CADM1: variants seen among roughly 807,000 people sequenced by gnomAD.
The protein encoded by CADM1 is TSLC-1.
Under a neutral mutation model 53.1 loss-of-function variants are expected in CADM1, and 15 were observed. The observed-to-expected ratio is 0.28, with a 90% CI of 0.19 to 0.44. CADM1 has a LOEUF of 0.44. Ranked by LOEUF, CADM1 falls within the 20% of genes least tolerant of loss-of-function variation. The pLI is 1.00. For missense variants in CADM1, 434 were observed against 611.3 expected (o/e 0.71, Z 3.06); for synonymous variants, 281 against 243.0 (o/e 1.16, Z -1.45).
intron 1 of CADM1, among the ~76,000 whole-genome samples, chr11:115,493,018 CA>C (rs757465901): frequency 6.6e-6 from 1 of 151,806 alleles, no homozygotes; most frequent in Non-Finnish European, 1.5e-5. Flanking sequence ...GCAATGAGCA[CA>C]ATTCTTAGAT....
chr11:115,232,834 G>C (rs1260127153), intron 3 of CADM1, among the ~76,000 whole-genome samples: 1 of 152,078 alleles, frequency 6.6e-6, no homozygotes, highest in African/African-American at 2.4e-5. Context: ...AATAAGCAAA[G>C]ACAGTTCCGA....
At chr11:115,325,034 C>T (rs993249251) in intron 1 of CADM1, among the ~76,000 whole-genome samples, 7 of 152,164 alleles carry the variant, frequency 4.6e-5, no homozygotes, top group Non-Finnish European at 8.8e-5. Context: ...GTGCCTATCA[C>T]GTAAATGGAA....
rs765468758 is a variant in CADM1, at chr11:115,214,576, C to G, written c.994+32G>C. Reference sequence around the variant, plus strand: ...AAGTAGCAGCTCCATGTGACTGACTCTAGTAGAAGAGCATTTTATCTTCTC... The same window carrying G: ...AAGTAGCAGCTCCATGTGACTGACTGTAGTAGAAGAGCATTTTATCTTCTC... On this transcript the variant is annotated intron_variant, in intron 7 of 11. Transcript: ENST00000331581. 5 of 1,595,344 alleles carry G rather than the reference C, an allele frequency of 3.1e-6. No individual in the cohort carries two copies. The African/African-American group carries it at 6.7e-5, about 21-fold the overall frequency.
chr11:115,455,700 A>G (rs1363703153), intron 1 of CADM1, among the ~76,000 whole-genome samples: 1 of 152,216 alleles, frequency 6.6e-6, no homozygotes, highest in Admixed American at 6.5e-5. Context: ...AAAAACAAAA[A>G]GAGACAGTCC....
At chr11:115,444,777 C>T (rs545485946) in intron 1 of CADM1, among the ~76,000 whole-genome samples, 36 of 152,160 alleles carry the variant, frequency 2.4e-4, no homozygotes, top group Non-Finnish European at 3.7e-4. Flanking sequence ...AAAATCAATT[C>T]GCCTCTCTTC....
intron 1 of CADM1, among the ~76,000 whole-genome samples, chr11:115,297,155 G>C (rs1345247106): frequency 3.3e-5 from 5 of 152,140 alleles, no homozygotes; most frequent in Non-Finnish European, 5.9e-5. Flanking sequence ...TAGAAAATTA[G>C]CTTCTCATAA....
Position 115,411,944 on chromosome 11 carries a change from CTT to C in CADM1, c.124+92325_124+92326del. On this transcript the variant is annotated intron_variant, in intron 1 of 11. Coordinates refer to ENST00000331581, the MANE Select transcript of CADM1 (RefSeq NM_001301043.2). ...ATTGCCTGGTTTTTATGAAGCACCT[CTT>C]GACAAGACTAAAAACAGAAATTTTT... 1.3e-5 allele frequency among the ~76,000 whole-genome samples: 2 copies of C among 152,252 alleles called. 1 individual carries two copies. The highest frequency in any genetic ancestry group is 4.1e-4 in the South Asian group (2 of 4,826).
intron 1 of CADM1, among the ~76,000 whole-genome samples, chr11:115,467,884 C>A (rs905065087): frequency 6.6e-6 from 1 of 152,308 alleles, no homozygotes; most frequent in East Asian, 1.9e-4. Flanking sequence ...ATCCATACAT[C>A]CTCTGGAGAG....
At chr11:115,367,113 C>T (rs1946182551) in intron 1 of CADM1, among the ~76,000 whole-genome samples, 1 of 152,234 alleles carries the variant, frequency 6.6e-6, no homozygotes, top group Admixed American at 6.5e-5. Context: ...ACTCCAGAGG[C>T]TGAGGCAGGA....
intron 1 of CADM1, among the ~76,000 whole-genome samples, chr11:115,469,428 C>T (rs1948962647): frequency 6.6e-6 from 1 of 152,132 alleles, no homozygotes; most frequent in South Asian, 2.1e-4. Flanking sequence ...AACAACCTGA[C>T]TGAGATCATG....
At chr11:115,198,282 A>AT in intron 9 of CADM1, 124 bp downstream of exon 9, 1 of 706,108 alleles carries the variant, frequency 1.4e-6, no homozygotes, top group Non-Finnish European at 2.4e-6. Context: ...AAATTATAGT[A>AT]TATTTATGAG....
intron 9 of CADM1, among the ~76,000 whole-genome samples, chr11:115,198,146 CTG>C (rs1427172803): frequency 6.6e-6 from 1 of 152,202 alleles, no homozygotes; most frequent in Admixed American, 6.5e-5. Context: ...AAGGAGGACT[CTG>C]TGCCACTGAA....
At chr11:115,245,087 C>T (rs907959681) in intron 1 of CADM1, among the ~76,000 whole-genome samples, 2 of 152,176 alleles carry the variant, frequency 1.3e-5, no homozygotes, top group East Asian at 1.9e-4. Context: ...ATGGCAACTA[C>T]GTAAACTGTT....
At chr11:115,344,593 T>C (rs1366158255) in intron 1 of CADM1, among the ~76,000 whole-genome samples, 1 of 152,126 alleles carries the variant, frequency 6.6e-6, no homozygotes, top group African/African-American at 2.4e-5. Flanking sequence ...TACAAAATCC[T>C]TCCTATAGTA....
At chr11:115,295,506 T>TATATA (rs1944028080) in intron 1 of CADM1, among the ~76,000 whole-genome samples, 1 of 55,056 alleles carries the variant, frequency 1.8e-5, no homozygotes, top group Non-Finnish European at 3.1e-5. Context: ...TCAAGATATT[T>TATATA]TATATATATA....
At chr11:115,375,731 G>A (rs1946421079) in intron 1 of CADM1, among the ~76,000 whole-genome samples, 1 of 151,992 alleles carries the variant, frequency 6.6e-6, no homozygotes, top group African/African-American at 2.4e-5. Context: ...AAGATATATT[G>A]CACGTAGGGA....
In CADM1 at chr11:115,348,037, A is replaced by G. The variant is rs558311695; in HGVS notation, c.125-107617T>C. Reference sequence around the variant, plus strand: ...GGAGTGCAGGAATGTATTCAAAAGAACAGATTATTCATTTTTGGAAGTTAA... The same window carrying G: ...GGAGTGCAGGAATGTATTCAAAAGAGCAGATTATTCATTTTTGGAAGTTAA... On this transcript the variant is annotated intron_variant, in intron 1 of 11. Coordinates refer to ENST00000331581, the MANE Select transcript of CADM1 (RefSeq NM_001301043.2). Among the ~76,000 whole-genome samples, 37 of 152,316 alleles carry G rather than the reference A, an allele frequency of 2.4e-4. No individual in the cohort carries two copies. The South Asian group carries it at 7.1e-3, about 29-fold the overall frequency.
In CADM1 at chr11:115,205,823, T is replaced by C. The variant is rs184670646; in HGVS notation, c.1078+3751A>G. 2.1e-3 allele frequency among the ~76,000 whole-genome samples: 313 copies of C among 152,272 alleles called. 1 individual carries two copies. The highest frequency in any genetic ancestry group is 5.9e-3 in the African/African-American group (246 of 41,536). ...CTGAATGGCTCCCAATCTAAAACTG[T>C]TTTATAGTTGGAAAAAAAATTTAAT... On this transcript the variant is annotated intron_variant, in intron 8 of 11. Transcript: ENST00000331581.
At chr11:115,337,744 T>G (rs1945305270) in intron 1 of CADM1, among the ~76,000 whole-genome samples, 1 of 152,182 alleles carries the variant, frequency 6.6e-6, no homozygotes. Flanking sequence ...TGTGGTTAAA[T>G]TAATACACCA....
Sources: gnomAD v4.1 joint callset for allele counts (sites outside exome capture counted in the v4.1 genomes callset) on GRCh38, gnomAD v4.1.1 for gene constraint, MANE v1.5 for transcripts, NCBI Gene and HGNC (gene_info 2026-07-23, HGNC 2026-07-21) for gene names.